The following CLTC variants were observed in gnomAD, a reference collection of about 807,000 sequenced individuals.
CLTC encodes clathrin heavy chain 1.
A neutral mutation model predicts 195.8 loss-of-function variants in CLTC; 16 were observed. The observed-to-expected ratio is 0.08, with a 90% CI of 0.06 to 0.12. The LOEUF (loss-of-function observed/expected upper bound fraction) is 0.12, where lower values mean the gene tolerates loss of function less well. CLTC is among the 10% of genes least tolerant of loss of function. CLTC has a pLI of 1.00. For missense variants in CLTC, 796 were observed against 2,027.0 expected, an observed-to-expected ratio of 0.39 and a Z score of 11.66; for synonymous variants, 667 against 689.4, an observed-to-expected ratio of 0.97 and a Z score of 0.51.
chr17:59,682,192 A>G lies in CLTC; in HGVS notation c.3443-79A>G. 1 of 1,350,678 alleles carries G rather than the reference A, an allele frequency of 7.4e-7. No individual in the cohort carries two copies. Among genetic ancestry groups the G allele is most frequent in the Non-Finnish European group, 1.0e-6 (1 of 969,076 alleles). 83.7% of individuals were successfully genotyped at this position (1,350,678 alleles called of 1,614,324 possible). A position where few individuals can be genotyped will look rare whatever the true frequency, so the allele number is the denominator to read the frequency against. On this transcript the variant is annotated intron_variant, in intron 21 of 31. Transcript: ENST00000269122. The surrounding 1 kb of genome is among the most constrained non-coding windows in gnomAD (Gnocchi z 6.8). The stretch of plus-strand genomic sequence containing the variant: ...CCATGTTTCCTTGAAAAGGAAATGA[A>G]TGCAATTTTCATTTACTTGGGTGAA...
intron 5 of CLTC, among the ~76,000 whole-genome samples, chr17:59,655,239 C>G (rs1320259241): frequency 1.3e-5 from 2 of 152,132 alleles, no homozygotes; most frequent in Non-Finnish European, 2.9e-5. Context: ...ATTGTTGTGT[C>G]TCAGGTAATA....
intron 16 of CLTC, 100 bp from the exon 17 acceptor site, chr17:59,676,854 G>C: frequency 2.2e-6 from 2 of 894,300 alleles, no homozygotes; most frequent in Non-Finnish European, 3.4e-6. Flanking sequence ...GTATGTGAAA[G>C]CACATTATAG....
chr17:59,666,305 C>CAA lies in CLTC; in HGVS notation c.1782+66_1782+67insAA. ...GTTTTAGTAATTGTGCAGCGCCTCT[C>CAA]AGATTGTTATGCAAAGCTACTGAGG... On this transcript the variant is annotated intron_variant, in intron 11 of 31. Coordinates refer to ENST00000269122, the MANE Select transcript of CLTC (RefSeq NM_004859.4). This position sits in a 1 kb window ranked among gnomAD's most constrained non-coding sequence, Gnocchi z 4.9. 1 of 1,583,308 alleles carries CAA rather than the reference C, an allele frequency of 6.3e-7. No individual in the cohort carries two copies. Among genetic ancestry groups the CAA allele is most frequent in the Non-Finnish European group, 8.6e-7 (1 of 1,156,114 alleles).
chr17:59,674,536 C>G (rs1040695861), intron 15 of CLTC, 165 bp from the exon 16 acceptor site: 4 of 562,872 alleles, frequency 7.1e-6, no homozygotes, highest in Non-Finnish European at 1.2e-5. Context: ...TGCTAAATTC[C>G]TCTATCTAGT....
At chr17:59,673,886 C>T (rs754229620) in intron 15 of CLTC, 114 bp downstream of exon 15, 8 of 620,732 alleles carry the variant, frequency 1.3e-5, no homozygotes, top group Non-Finnish European at 2.2e-5. Flanking sequence ...CAGCTTTTAA[C>T]GTGGGATTTT....
intron 30 of CLTC, among the ~76,000 whole-genome samples, chr17:59,687,630 T>C (rs1208855340): frequency 6.6e-6 from 1 of 152,172 alleles, no homozygotes; most frequent in Non-Finnish European, 1.5e-5. Context: ...CCAGTTCTTA[T>C]GGTGCTAGTC....
At chr17:59,678,981 A>G (rs987162140) in intron 17 of CLTC, among the ~76,000 whole-genome samples, 1 of 152,210 alleles carries the variant, frequency 6.6e-6, no homozygotes, top group African/African-American at 2.4e-5. Flanking sequence ...TCCAACCTTG[A>G]CAACAGAGCA....
At chr17:59,651,841 A>T (rs2032335882) in intron 5 of CLTC, among the ~76,000 whole-genome samples, 1 of 152,122 alleles carries the variant, frequency 6.6e-6, no homozygotes. Flanking sequence ...GACAGCAAAG[A>T]AGTTTGCTGC....
rs559222283 is a variant in CLTC at position 59,666,926 on chromosome 17, C to T, written c.2077C>T (p.Leu693=). 3.3e-5 allele frequency: 53 copies of T among 1,613,804 alleles called. No homozygotes were observed. The Middle Eastern group carries it at 8.2e-4, about 25-fold the overall frequency. ...VQVASKYHEQ[L]STQSLIELFE... is the part of the protein sequence containing the mutation. ...GGTGGCTTCTAAATATCATGAACAA[C>T]TGTCAACTCAGTCTCTGATTGAACT... Residue 693 remains leucine (L), a synonymous_variant, in exon 13 of 32, where the codon CTG becomes TTG. Coordinates refer to ENST00000269122, the MANE Select transcript of CLTC (RefSeq NM_004859.4). This position sits in a 1 kb window ranked among gnomAD's most constrained non-coding sequence, Gnocchi z 4.9.
At chr17:59,630,473 T>G (rs1184075948) in intron 1 of CLTC, among the ~76,000 whole-genome samples, 1 of 152,220 alleles carries the variant, frequency 6.6e-6, no homozygotes, top group Non-Finnish European at 1.5e-5. Context: ...TTAGTGGTAT[T>G]TAGTGCATTC....
intron 4 of CLTC, among the ~76,000 whole-genome samples, chr17:59,650,021 A>C (rs2032290842): frequency 6.6e-6 from 1 of 152,206 alleles, no homozygotes; most frequent in Non-Finnish European, 1.5e-5. Flanking sequence ...TGGCTTTTGA[A>C]GGAAGATACC....
chr17:59,647,700 G>C (rs1159710576), intron 3 of CLTC, 34 bp downstream of exon 3: 41 of 1,560,388 alleles, frequency 2.6e-5, no homozygotes, highest in Non-Finnish European at 3.2e-5. Context: ...TGAAGAAGAG[G>C]TTTAGAACAC....
intron 31 of CLTC, among the ~76,000 whole-genome samples, chr17:59,692,465 TA>T (rs1299476506): frequency 2.6e-5 from 4 of 152,208 alleles, no homozygotes; most frequent in African/African-American, 9.6e-5. Context: ...AATACTTTTG[TA>T]GGGGTAGAGA....
chr17:59,668,826 T>C lies in CLTC; in HGVS notation c.2178T>C (p.Asp726=). The change falls in exon 14 of 32, where the codon GAT becomes GAC. Residue 726 remains aspartate, a synonymous_variant. Transcript: ENST00000269122. ...GSIVNFSQDP[D]VHFKYIQAAC... Reference sequence around the variant, plus strand: ...TTGTTAACTTTAGCCAGGACCCAGATGTGCACTTTAAATATATTCAGGCAG... The same window carrying C: ...TTGTTAACTTTAGCCAGGACCCAGACGTGCACTTTAAATATATTCAGGCAG... The C allele has an allele frequency of 2.5e-6, 4 of 1,613,594 alleles. No homozygotes were observed. Among genetic ancestry groups the C allele is most frequent in the Non-Finnish European group, 3.4e-6 (4 of 1,179,798 alleles).
chr17:59,678,766 C>T (rs531037585), intron 17 of CLTC, among the ~76,000 whole-genome samples: 2 of 152,128 alleles, frequency 1.3e-5, no homozygotes, highest in East Asian at 1.9e-4. Context: ...TTTGGGAGGC[C>T]GAGGCAGGAG....
In CLTC at chr17:59,695,841, AAAAT is replaced by A. The variant is rs924553575; in HGVS notation, c.*1992_*1995del. On this transcript the variant is annotated 3_prime_UTR_variant, in exon 32 of 32. Coordinates refer to ENST00000269122, the MANE Select transcript of CLTC (RefSeq NM_004859.4). ...TGCAAATATCAACACAGAGAAAAAA[AAAAT>A]AATAATAGTATTATGAAAACATTGA... The A allele has an allele frequency of 6.5e-4, 58 of 89,624 alleles. No homozygotes were observed. Among genetic ancestry groups the A allele is most frequent in the Non-Finnish European group, 8.6e-4 (38 of 44,038 alleles). 5.6% of individuals were successfully genotyped at this position (89,624 alleles called of 1,614,324 possible).
At position 59,683,325 on chromosome 17, in the gene CLTC, T is replaced by G; in HGVS notation, c.4042-62T>G. The G allele has an allele frequency of 2.5e-6, 4 of 1,601,520 alleles. No homozygotes were observed. The highest frequency in any genetic ancestry group is 3.4e-6 in the Non-Finnish European group (4 of 1,173,540). On this transcript the variant is annotated intron_variant, in intron 25 of 31. Coordinates refer to ENST00000269122, the MANE Select transcript of CLTC (RefSeq NM_004859.4). The surrounding 1 kb of genome is among the most constrained non-coding windows in gnomAD (Gnocchi z 6.1). ...GTTAAAACTAATGCTTCAAAATATCTTATTCTTTTTAAGGCTGTTAGCTAG... is the reference window on the plus strand; with the variant it reads ...GTTAAAACTAATGCTTCAAAATATCGTATTCTTTTTAAGGCTGTTAGCTAG...
chr17:59,688,250 A>G (rs879574361), intron 30 of CLTC, among the ~76,000 whole-genome samples: 5 of 152,192 alleles, frequency 3.3e-5, no homozygotes, highest in East Asian at 1.9e-4. Context: ...ATAGCAAGTC[A>G]TCTTCAGACC....
rs767271671 is a variant in CLTC at position 59,681,345 on chromosome 17, G to A, written c.3116G>A (p.Arg1039His). 1.9e-6 allele frequency: 3 copies of A among 1,613,974 alleles called. No homozygotes were observed. The highest frequency in any genetic ancestry group is 2.5e-6 in the Non-Finnish European group (3 of 1,179,976). The change falls in exon 20 of 32, where the codon CGT becomes CAT. Residue 1039 changes from arginine to histidine, a missense_variant. Transcript: ENST00000269122. The surrounding 1 kb of genome is among the most constrained non-coding windows in gnomAD (Gnocchi z 5.0). ...ILTAIKADRT[R>H]VMEYINRLDN... ...ACTGCAATTAAGGCTGACCGTACAC[G>A]TGTTATGGAGTATATTAACCGCCTG...
Sources: allele counts gnomAD v4.1 joint callset (sites outside exome capture counted in the v4.1 genomes callset), GRCh38; gene constraint gnomAD v4.1.1; non-coding constraint Gnocchi (gnomAD v3.1); transcripts MANE v1.5; gene names NCBI Gene and HGNC (gene_info 2026-07-23, HGNC 2026-07-21).